SNX24: variants seen among roughly 807,000 people sequenced by gnomAD.
SNX24 encodes sorting nexin-24.
In SNX24, 22 loss-of-function variants were observed where a neutral mutation model predicts 28.7. The ratio of observed to expected loss-of-function variants is 0.77; its 90% CI spans 0.55 to 1.10. The LOEUF (loss-of-function observed/expected upper bound fraction) is 1.10, where lower values mean the gene tolerates loss of function less well. Ranked by LOEUF, SNX24 falls within the 50% of genes least tolerant of loss-of-function variation. The pLI, the probability that SNX24 is intolerant of heterozygous loss-of-function variation, is 0.00. For missense variants in SNX24, 221 were observed against 201.1 expected (o/e 1.10, Z -0.60); for synonymous variants, 69 against 71.5 (o/e 0.96, Z 0.18).
In SNX24 at chr5:123,008,738, A is replaced by G. The variant is rs748332448; in HGVS notation, c.*989A>G. On this transcript the variant is annotated 3_prime_UTR_variant, in exon 7 of 7. Transcript: ENST00000261369. The stretch of plus-strand genomic sequence containing the variant: ...TTAGGTGGGATCGCCACAGGATTTC[A>G]TGTTATTTTCCTTACGGCTTCCTTT... 7 of 439,056 alleles carry G rather than the reference A, an allele frequency of 1.6e-5. No individual in the cohort carries two copies. Among genetic ancestry groups the G allele is most frequent in the Non-Finnish European group, 1.5e-5 (5 of 330,952 alleles). The allele number at this position is 439,056 out of a possible 1,614,324, so 27.2% of individuals were successfully genotyped here.
At chr5:123,005,031 T>C (rs1762377001) in intron 6 of SNX24, among the ~76,000 whole-genome samples, 1 of 152,174 alleles carries the variant, frequency 6.6e-6, no homozygotes, top group Admixed American at 6.5e-5. Flanking sequence ...TAGTAAATCA[T>C]GCATATGATG....
At chr5:123,000,296 G>T (rs1197891678) in intron 4 of SNX24, among the ~76,000 whole-genome samples, 3 of 152,206 alleles carry the variant, frequency 2.0e-5, no homozygotes, top group African/African-American at 7.2e-5. Flanking sequence ...TGGGAATTAT[G>T]AATCTAATTA....
At chr5:122,875,683 A>G (rs1460825724) in intron 1 of SNX24, among the ~76,000 whole-genome samples, 2 of 152,372 alleles carry the variant, frequency 1.3e-5, no homozygotes, top group African/African-American at 4.8e-5. Context: ...AACCACAATT[A>G]CTTTTGTACC....
At chr5:122,973,622 T>C (rs1761045883) in intron 3 of SNX24, among the ~76,000 whole-genome samples, 1 of 152,214 alleles carries the variant, frequency 6.6e-6, no homozygotes, top group Non-Finnish European at 1.5e-5. Flanking sequence ...CAAGCCTGAT[T>C]ACGTATATAT....
chr5:123,024,019 T>G, intron 5 of SNX24: 1 of 1,610,430 alleles, frequency 6.2e-7, no homozygotes, highest in Non-Finnish European at 8.5e-7. Flanking sequence ...GAGAGAAAAG[T>G]AGACACATGG....
chr5:122,884,794 A>G (rs1334395548), intron 1 of SNX24, among the ~76,000 whole-genome samples: 1 of 152,110 alleles, frequency 6.6e-6, no homozygotes, highest in Non-Finnish European at 1.5e-5. Context: ...AGAGCGTCTC[A>G]GCTTCTCTCT....
intron 1 of SNX24, among the ~76,000 whole-genome samples, chr5:122,926,129 G>A (rs1341751303): frequency 1.3e-5 from 2 of 152,176 alleles, no homozygotes; most frequent in Non-Finnish European, 2.9e-5. Context: ...GATGGGGTGG[G>A]TAGATAACAC....
chr5:122,888,169 A>AT (rs1216380553), intron 1 of SNX24, among the ~76,000 whole-genome samples: 3 of 151,718 alleles, frequency 2.0e-5, no homozygotes, highest in African/African-American at 4.8e-5. Context: ...TATTATTTGC[A>AT]TTTTTTTGAT....
intron 6 of SNX24, among the ~76,000 whole-genome samples, chr5:123,004,975 A>G (rs556458620): frequency 6.6e-6 from 1 of 152,338 alleles, no homozygotes; most frequent in South Asian, 2.1e-4. Context: ...ATGAGAATCA[A>G]AGTCAAGGAC....
At chr5:122,944,438 C>T (rs78627293) in intron 2 of SNX24, among the ~76,000 whole-genome samples, 8 of 11,020 alleles carry the variant, frequency 7.3e-4, no homozygotes, top group African/African-American at 1.2e-3. Flanking sequence ...TTTTTTTTTT[C>T]CCCCAAAAAA....
chr5:122,890,496 A>C (rs1756923642), intron 1 of SNX24, among the ~76,000 whole-genome samples: 1 of 139,182 alleles, frequency 7.2e-6, no homozygotes, highest in Admixed American at 7.5e-5. Context: ...TTGACACGGA[A>C]TCTCACTCTG....
downstream of SNX24, among the ~76,000 whole-genome samples, chr5:123,009,563 ACAT>A (rs1762522472): frequency 6.6e-6 from 1 of 152,250 alleles, no homozygotes; most frequent in Admixed American, 6.5e-5. Flanking sequence ...TCATATGCAG[ACAT>A]CATAAGATTT....
chr5:123,016,008 A>G (rs899694363), intron 5 of SNX24, among the ~76,000 whole-genome samples: 2 of 152,206 alleles, frequency 1.3e-5, no homozygotes, highest in Admixed American at 6.5e-5. Flanking sequence ...TTTTACATGA[A>G]TTTTATACCT....
At chr5:122,943,488 T>TA (rs1181722112) in intron 2 of SNX24, among the ~76,000 whole-genome samples, 1 of 152,224 alleles carries the variant, frequency 6.6e-6, no homozygotes, top group East Asian at 1.9e-4. Context: ...CCCCCAGTGA[T>TA]TGCCCTGCTT....
At chr5:122,969,012 T>TA (rs1342486525) in intron 3 of SNX24, among the ~76,000 whole-genome samples, 2 of 152,264 alleles carry the variant, frequency 1.3e-5, no homozygotes, top group African/African-American at 4.8e-5. Flanking sequence ...AAGTGTATGA[T>TA]AAAAAACGTT....
intron 1 of SNX24, among the ~76,000 whole-genome samples, chr5:122,885,645 C>T (rs1179716189): frequency 6.6e-6 from 1 of 152,172 alleles, no homozygotes; most frequent in African/African-American, 2.4e-5. Flanking sequence ...GACCAAGCAG[C>T]TCCTCCTTTC....
At chr5:122,942,879 C>T (rs1014618216) in intron 2 of SNX24, among the ~76,000 whole-genome samples, 2 of 152,174 alleles carry the variant, frequency 1.3e-5, no homozygotes, top group Non-Finnish European at 2.9e-5. Context: ...CAGCTATGAT[C>T]ATACGCTTCC....
At chr5:122,947,351 C>T (rs778779099) in intron 3 of SNX24, among the ~76,000 whole-genome samples, 11 of 152,050 alleles carry the variant, frequency 7.2e-5, no homozygotes, top group Non-Finnish European at 1.5e-4. Context: ...ACTCCTCAGG[C>T]TTGTACTTAG....
rs1325576643 is a variant in SNX24 at position 123,029,199 on chromosome 5, G to A, written n.384-39G>A. On this transcript the variant is annotated intron_variant and non_coding_transcript_variant, in intron 5 of 5. Coordinates refer to the SNX24 transcript ENST00000502387. ...TGGAAAATAAAGTCAAATGTGGTAA[G>A]GTTCATCTGACATACTAATTTAATA... The A allele has an allele frequency of 6.3e-6, 10 of 1,579,810 alleles. No homozygotes were observed. In the Admixed American group the frequency reaches 1.8e-4, roughly 28 times the overall value.
Sources: allele counts gnomAD v4.1 joint callset (sites outside exome capture counted in the v4.1 genomes callset), GRCh38; gene constraint gnomAD v4.1.1; transcripts MANE v1.5; gene names NCBI Gene and HGNC (gene_info 2026-07-23, HGNC 2026-07-21).